The following CACNA2D4 variants were observed in gnomAD, a reference collection of about 807,000 sequenced individuals.
The protein encoded by CACNA2D4 is calcium voltage-gated channel auxiliary subunit alpha2delta 4.
In CACNA2D4, 157 loss-of-function variants were observed where a neutral mutation model predicts 163.8. The ratio of observed to expected loss-of-function variants is 0.96; its 90% CI spans 0.84 to 1.09. The LOEUF (loss-of-function observed/expected upper bound fraction) is 1.09. Ranked by LOEUF, CACNA2D4 falls within the 50% of genes least tolerant of loss-of-function variation. CACNA2D4 has a pLI of 0.00. For synonymous variants in CACNA2D4, 598 were observed against 586.9 expected (o/e 1.02, Z -0.27); for missense variants, 1,410 against 1,479.9 (o/e 0.95, Z 0.78).
chr12:1,816,455 T>G (rs1863874842), intron 26 of CACNA2D4, among the ~76,000 whole-genome samples: 1 of 141,420 alleles, frequency 7.1e-6, no homozygotes, highest in Non-Finnish European at 1.5e-5. Flanking sequence ...CCAGCGGGCC[T>G]CCTGCCCCAG....
chr12:1,886,066 G>A, intron 8 of CACNA2D4, 27 bp from the exon 9 acceptor site: 2 of 1,591,074 alleles, frequency 1.3e-6, no homozygotes, highest in Non-Finnish European at 1.7e-6. Flanking sequence ...TTGAGGGGAG[G>A]TGGGGGGAGA....
At chr12:1,840,387 C>T (rs1335711488) in intron 26 of CACNA2D4, among the ~76,000 whole-genome samples, 1 of 138,570 alleles carries the variant, frequency 7.2e-6, no homozygotes, top group African/African-American at 2.7e-5. Context: ...TCTATTAACC[C>T]GCAGGAAGTG....
In CACNA2D4 at chr12:1,806,594, C is replaced by T. The variant is rs1037740132; in HGVS notation, c.2721+3684G>A. ...GCAGGGACAAGGAGTCGCTGGAAGC[C>T]TTTGACATATTTGCCTAGTCAGGAA... is the stretch of plus-strand genomic sequence containing the variant. On this transcript the variant is annotated intron_variant, in intron 29 of 37. Coordinates refer to ENST00000382722, the MANE Select transcript of CACNA2D4 (RefSeq NM_172364.5). The surrounding 1 kb of genome is among the most constrained non-coding windows in gnomAD (Gnocchi z 4.1). Among the ~76,000 whole-genome samples, 1 of 152,216 alleles carries T rather than the reference C, an allele frequency of 6.6e-6. No homozygotes were observed. Among genetic ancestry groups the T allele is most frequent in the Non-Finnish European group, 1.5e-5 (1 of 68,036 alleles).
chr12:1,913,152 A>T lies in CACNA2D4; in HGVS notation c.310-13T>A. The stretch of plus-strand genomic sequence containing the variant: ...CATCCTTGTACTTCTGTTTGGGGAA[A>T]GTGGGAGAGATGCGTGCATGTGGTT... On this transcript the variant is annotated splice_polypyrimidine_tract_variant and intron_variant, in intron 2 of 37. Coordinates refer to ENST00000382722, the MANE Select transcript of CACNA2D4 (RefSeq NM_172364.5). The T allele has an allele frequency of 6.4e-7, 1 of 1,574,272 alleles. No individual in the cohort carries two copies. The highest frequency in any genetic ancestry group is 8.7e-7 in the Non-Finnish European group (1 of 1,143,824).
rs1865084995 is a variant in CACNA2D4 at position 1,843,879 on chromosome 12, TGA to T, written c.2470+521_2470+522del. ...GCCTGGCACAGCCTCTCTCTTGAGC[TGA>T]GAGGGGCTTGTGGAGAAGGCTGGGA... On this transcript the variant is annotated intron_variant, in intron 25 of 37. Transcript: ENST00000382722. The surrounding 1 kb of genome is among the most constrained non-coding windows in gnomAD (Gnocchi z 4.6). Among the ~76,000 whole-genome samples, 1 of 152,084 alleles carries T rather than the reference TGA, an allele frequency of 6.6e-6. No homozygotes were observed. Among genetic ancestry groups the T allele is most frequent in the Non-Finnish European group, 1.5e-5 (1 of 68,002 alleles).
At chr12:1,855,104 T>G (rs1025367836) in intron 22 of CACNA2D4, among the ~76,000 whole-genome samples, 3 of 152,158 alleles carry the variant, frequency 2.0e-5, no homozygotes, top group Non-Finnish European at 2.9e-5. Context: ...TTCATGGCGC[T>G]TATCACAATT....
intron 23 of CACNA2D4, among the ~76,000 whole-genome samples, chr12:1,850,720 T>C (rs1038721481): frequency 9.2e-5 from 14 of 152,124 alleles, no homozygotes; most frequent in Admixed American, 8.5e-4. Flanking sequence ...CTGGCTAACA[T>C]GGTGAAACCC....
chr12:1,904,513 A>G (rs1866610138), intron 6 of CACNA2D4, among the ~76,000 whole-genome samples: 1 of 152,030 alleles, frequency 6.6e-6, no homozygotes, highest in Non-Finnish European at 1.5e-5. Context: ...ATATACCCAC[A>G]AAAATTAAAA....
chr12:1,797,843 C>T (rs1863182514), intron 34 of CACNA2D4, among the ~76,000 whole-genome samples: 4 of 152,148 alleles, frequency 2.6e-5, no homozygotes, highest in Admixed American at 2.6e-4. Flanking sequence ...CTCCAGGGCC[C>T]CTTCCAGCAC....
intron 6 of CACNA2D4, among the ~76,000 whole-genome samples, chr12:1,894,977 T>C (rs1321971784): frequency 2.0e-5 from 3 of 152,152 alleles, no homozygotes; most frequent in Non-Finnish European, 4.4e-5. Flanking sequence ...TAATCTTATA[T>C]CTAGAAAAAC....
rs955824510 is a variant in CACNA2D4 at position 1,823,597 on chromosome 12, G to A, written c.2552-11874C>T. Among the ~76,000 whole-genome samples the A allele has an allele frequency of 7.4e-5, 11 of 149,216 alleles. No individual in the cohort carries two copies. In the East Asian group the frequency reaches 1.4e-3, roughly 19 times the overall value. On this transcript the variant is annotated intron_variant, in intron 26 of 37. Coordinates refer to ENST00000382722, the MANE Select transcript of CACNA2D4 (RefSeq NM_172364.5). ...CTTGGCTCCCCCAGAACAGAGCTCC[G>A]GCCTACTCCCCTCACCTCAGCACAC...
chr12:1,794,371 A>T (rs1863052781), intron 37 of CACNA2D4, among the ~76,000 whole-genome samples: 1 of 152,062 alleles, frequency 6.6e-6, no homozygotes, highest in Admixed American at 6.5e-5. Context: ...GGTTTTTCCC[A>T]CCCCACTCTC....
At chr12:1,805,164 G>A (rs1261620705) in intron 29 of CACNA2D4, among the ~76,000 whole-genome samples, 9 of 152,140 alleles carry the variant, frequency 5.9e-5, no homozygotes, top group Non-Finnish European at 1.3e-4. Flanking sequence ...CTGGGGCTGG[G>A]TCAAAAGAGT....
intron 23 of CACNA2D4, among the ~76,000 whole-genome samples, chr12:1,847,581 T>C (rs891081750): frequency 2.0e-5 from 3 of 152,180 alleles, no homozygotes; most frequent in Non-Finnish European, 4.4e-5. Context: ...ATGGGAGTCA[T>C]AGGACTCGAG....
intron 29 of CACNA2D4, among the ~76,000 whole-genome samples, chr12:1,804,378 A>G (rs1012477776): frequency 1.3e-5 from 2 of 152,032 alleles, no homozygotes; most frequent in African/African-American, 4.8e-5. Flanking sequence ...CTTAATTCCT[A>G]CAAACCTGTC....
Position 1,875,156 on chromosome 12 carries a change from A to G in CACNA2D4, c.1806+95T>C. 1.2e-6 allele frequency: 1 copy of G among 867,570 alleles called. No homozygotes were observed. The highest frequency in any genetic ancestry group is 1.4e-5 in the South Asian group (1 of 70,018). 53.7% of individuals were successfully genotyped at this position (867,570 alleles called of 1,614,324 possible). The stretch of plus-strand genomic sequence containing the variant: ...GATGAACCTGTTCTGCCTGACAGGA[A>G]CAGAGTGACCTCAAAGCTCACAGCC... On this transcript the variant is annotated intron_variant, in intron 17 of 37. Transcript: ENST00000382722. This position sits in a 1 kb window ranked among gnomAD's most constrained non-coding sequence, Gnocchi z 4.0.
At chr12:1,800,113 G>A in intron 32 of CACNA2D4, 61 bp from the exon 33 acceptor site, 1 of 1,506,552 alleles carries the variant, frequency 6.6e-7, no homozygotes, top group Non-Finnish European at 9.0e-7. Flanking sequence ...GGTTCCCAAG[G>A]AGCTGGAGTA....
intron 4 of CACNA2D4, 67 bp from the exon 5 acceptor site, chr12:1,908,104 GA>G (rs1866712007): frequency 3.3e-6 from 5 of 1,513,142 alleles, no homozygotes; most frequent in Admixed American, 1.8e-5. Context: ...GAGAGGAAGA[GA>G]AACGGCGCAG....
intron 26 of CACNA2D4, among the ~76,000 whole-genome samples, chr12:1,821,161 G>A (rs995688582): frequency 3.3e-5 from 5 of 152,322 alleles, no homozygotes; most frequent in South Asian, 2.1e-4. Context: ...TTGTGCTGTC[G>A]TTGTGCCCGG....
Sources: allele counts gnomAD v4.1 joint callset (sites outside exome capture counted in the v4.1 genomes callset), GRCh38; gene constraint gnomAD v4.1.1; non-coding constraint Gnocchi (gnomAD v3.1); transcripts MANE v1.5; gene names NCBI Gene and HGNC (gene_info 2026-07-23, HGNC 2026-07-21).